COL20A1: variants seen among roughly 807,000 people sequenced by gnomAD.
COL20A1 encodes the protein collagen alpha-1(XX) chain.
COL20A1 carries 164 observed loss-of-function variants against 152.9 expected under a neutral mutation model. That is an observed-to-expected ratio of 1.07 (90% CI 0.94 to 1.22). COL20A1 has a LOEUF of 1.22. Among genes scored for constraint, COL20A1 ranks in the 50% most tolerant of loss-of-function variants. COL20A1 has a pLI of 0.00. For synonymous variants in COL20A1, 864 were observed against 756.0 expected, an observed-to-expected ratio of 1.14 and a Z score of -2.34; for missense variants, 1,873 against 1,744.8, an observed-to-expected ratio of 1.07 and a Z score of -1.31.
At chr20:63,295,278 C>T (rs1188224364) in intron 2 of COL20A1, 89 bp downstream of exon 2, 4 of 799,724 alleles carry the variant, frequency 5.0e-6, no homozygotes, top group Non-Finnish European at 8.2e-6. Context: ...CGCCCCTGAG[C>T]CCCGTCTTCC....
intron 25 of COL20A1, 140 bp downstream of exon 25, chr20:63,320,508 GC>G: frequency 1.2e-6 from 1 of 832,940 alleles, no homozygotes; most frequent in South Asian, 1.5e-5. Flanking sequence ...AGAGGAGGCA[GC>G]CTCAGGGCCA....
chr20:63,320,317 G>A lies in COL20A1; in HGVS notation c.3102G>A (p.Val1034=), dbSNP rs2068144821. ...TTCAGCTCCAGATGCTGCAGATCGTGTGCAGTGACACCTGGGCCGATGAGG... is the reference window on the plus strand; with the variant it reads ...TTCAGCTCCAGATGCTGCAGATCGTATGCAGTGACACCTGGGCCGATGAGG... ...AAFQLQMLQI[V]CSDTWADEDR... The change falls in exon 25 of 36, where the codon GTG becomes GTA. Residue 1034 remains valine, a synonymous_variant. Coordinates refer to ENST00000358894, the MANE Select transcript of COL20A1 (RefSeq NM_020882.4). 1 of 1,611,002 alleles carries A rather than the reference G, an allele frequency of 6.2e-7. No individual in the cohort carries two copies. Among genetic ancestry groups the A allele is most frequent in the Non-Finnish European group, 8.5e-7 (1 of 1,179,844 alleles).
chr20:63,297,465 G>A (rs938609753), intron 2 of COL20A1, among the ~76,000 whole-genome samples: 1 of 151,954 alleles, frequency 6.6e-6, no homozygotes, highest in Admixed American at 6.5e-5. Flanking sequence ...CAGCCCAGGG[G>A]CCCCAGCTCA....
rs1175525212 is a variant in COL20A1, at chr20:63,307,601, C to T, written c.608C>T (p.Ala203Val). Residue 203 changes from alanine to valine, a missense_variant, in exon 6 of 36, where the codon GCC (alanine) becomes GTC (valine). By Grantham distance (64) the Ala-to-Val change is moderately conservative. Transcript: ENST00000358894. ...SHFQQVKDFL[A>V]SVIAPFEIGP... Reference sequence around the variant, plus strand: ...TTCCAGCAGGTCAAGGACTTCCTGGCCAGTGTCATCGCACCCTTTGAAATC... The same window carrying T: ...TTCCAGCAGGTCAAGGACTTCCTGGTCAGTGTCATCGCACCCTTTGAAATC... 1 of 1,612,498 alleles carries T rather than the reference C, an allele frequency of 6.2e-7. No individual in the cohort carries two copies. Among genetic ancestry groups the T allele is most frequent in the Non-Finnish European group, 8.5e-7 (1 of 1,179,734 alleles).
At position 63,311,316 on chromosome 20, in the gene COL20A1, C is replaced by T; in HGVS notation, c.1394-78C>T. 7.0e-7 allele frequency: 1 copy of T among 1,426,000 alleles called. No individual in the cohort carries two copies. The highest frequency in any genetic ancestry group is 9.3e-7 in the Non-Finnish European group (1 of 1,072,460). The allele number at this position is 1,426,000 out of a possible 1,614,324, so 88.3% of individuals were successfully genotyped here. ...CAGGCGGTGGCCGTGCCCACCCACTCTGGTGTGAGGGTGCCCCGTGCGTGG... is the reference window on the plus strand; with the variant it reads ...CAGGCGGTGGCCGTGCCCACCCACTTTGGTGTGAGGGTGCCCCGTGCGTGG... On this transcript the variant is annotated intron_variant, in intron 11 of 35. Coordinates refer to ENST00000358894, the MANE Select transcript of COL20A1 (RefSeq NM_020882.4). This position sits in a 1 kb window ranked among gnomAD's most constrained non-coding sequence, Gnocchi z 4.4.
rs377731107 is a variant in COL20A1 at position 63,308,681 on chromosome 20, C to T, written c.915C>T (p.Asp305=). ...DVHTAARVLK[D]LGVNVFAVGV... is the part of the protein sequence containing the mutation. Reference sequence around the variant, plus strand: ...ACACTGCTGCCCGTGTCCTCAAGGACCTGGGCGTGAACGTCTTCGCTGTGG... The same window carrying T: ...ACACTGCTGCCCGTGTCCTCAAGGATCTGGGCGTGAACGTCTTCGCTGTGG... The change falls in exon 8 of 36, where the codon GAC becomes GAT. Residue 305 remains aspartate, a synonymous_variant. Coordinates refer to ENST00000358894, the MANE Select transcript of COL20A1 (RefSeq NM_020882.4). The T allele has an allele frequency of 2.7e-5, 43 of 1,606,182 alleles. No individual in the cohort carries two copies. The highest frequency in any genetic ancestry group is 3.5e-5 in the Non-Finnish European group (41 of 1,176,834).
intron 21 of COL20A1, among the ~76,000 whole-genome samples, chr20:63,317,811 G>A (rs894154811): frequency 2.0e-5 from 3 of 151,858 alleles, no homozygotes; most frequent in Admixed American, 6.6e-5. Context: ...CCTCCTCTCT[G>A]GGCAGCAGGC....
intron 10 of COL20A1, 124 bp from the exon 11 acceptor site, chr20:63,310,257 T>C: frequency 9.6e-7 from 1 of 1,042,180 alleles, no homozygotes; most frequent in Non-Finnish European, 1.4e-6. Flanking sequence ...AGCCCAGGCC[T>C]GTGGGAAGTG....
At position 63,311,301 on chromosome 20, in the gene COL20A1, C is replaced by A; in HGVS notation, c.1394-93C>A. On this transcript the variant is annotated intron_variant, in intron 11 of 35. Coordinates refer to ENST00000358894, the MANE Select transcript of COL20A1 (RefSeq NM_020882.4). The surrounding 1 kb of genome is among the most constrained non-coding windows in gnomAD (Gnocchi z 4.4). The stretch of plus-strand genomic sequence containing the variant: ...ATCCTGTGCACCTGCCAGGCGGTGG[C>A]CGTGCCCACCCACTCTGGTGTGAGG... The A allele has an allele frequency of 1.5e-6, 2 of 1,324,248 alleles. No homozygotes were observed. Among genetic ancestry groups the A allele is most frequent in the Non-Finnish European group, 2.0e-6 (2 of 988,956 alleles). The allele number at this position is 1,324,248 out of a possible 1,614,324, so 82.0% of individuals were successfully genotyped here.
intron 19 of COL20A1, 43 bp from the exon 20 acceptor site, chr20:63,315,361 C>T (rs766077300): frequency 2.6e-6 from 4 of 1,546,722 alleles, no homozygotes; most frequent in East Asian, 2.4e-5. Context: ...GCGTTGGAGG[C>T]TGGGCCGCTC....
At chr20:63,312,653 G>A (rs1034882771) in intron 15 of COL20A1, 104 bp downstream of exon 15, 4 of 1,478,734 alleles carry the variant, frequency 2.7e-6, no homozygotes, top group Non-Finnish European at 3.6e-6. Flanking sequence ...CCCTGGGTCA[G>A]TGCTGAGCCA....
intron 30 of COL20A1, among the ~76,000 whole-genome samples, chr20:63,326,527 C>T (rs1331818046): frequency 6.6e-6 from 1 of 152,110 alleles, no homozygotes; most frequent in East Asian, 1.9e-4. Context: ...TTTAGAGCAG[C>T]GTGCTGACAG....
At chr20:63,300,095 T>C (rs1373971054) in intron 3 of COL20A1, among the ~76,000 whole-genome samples, 2 of 152,148 alleles carry the variant, frequency 1.3e-5, no homozygotes, top group Non-Finnish European at 2.9e-5. Flanking sequence ...CCCTTTTATA[T>C]GTTATTAAAT....
intron 30 of COL20A1, 107 bp downstream of exon 30, chr20:63,326,256 G>A: frequency 1.1e-6 from 1 of 883,840 alleles, no homozygotes; most frequent in Non-Finnish European, 1.8e-6. Flanking sequence ...GGTTACCCCA[G>A]GAAGTGCCTG....
intron 26 of COL20A1, among the ~76,000 whole-genome samples, chr20:63,321,692 C>T (rs2068165186): frequency 6.6e-6 from 1 of 151,262 alleles, no homozygotes; most frequent in South Asian, 2.1e-4. Context: ...GGTCCTTGGA[C>T]CTGCCATGGC....
intron 34 of COL20A1, among the ~76,000 whole-genome samples, chr20:63,328,837 C>T (rs865837933): frequency 2.7e-4 from 40 of 149,336 alleles, no homozygotes; most frequent in Middle Eastern, 3.4e-3. Flanking sequence ...TCCTGTCCTC[C>T]TTGTCCTCCC....
Position 63,329,580 on chromosome 20 carries a change from C to T in COL20A1, c.3782-5C>T, listed in dbSNP as rs374847793. On this transcript the variant is annotated splice_polypyrimidine_tract_variant and splice_region_variant and intron_variant, in intron 34 of 35. Transcript: ENST00000358894. Reference sequence around the variant, plus strand: ...CGTCCTCACATGCCCTCCCTTTCCTCGCAGGGGAGCCTGGAGCTGTTGGTC... The same window carrying T: ...CGTCCTCACATGCCCTCCCTTTCCTTGCAGGGGAGCCTGGAGCTGTTGGTC... 47 of 1,608,512 alleles carry T rather than the reference C, an allele frequency of 2.9e-5. No individual in the cohort carries two copies. The South Asian group carries it at 3.7e-4, about 13-fold the overall frequency.
At position 63,311,727 on chromosome 20, in the gene COL20A1, CG is replaced by C; in HGVS notation, c.1646del (p.Gly549AlafsTer20). The C allele has an allele frequency of 6.3e-7, 1 of 1,596,314 alleles. No individual in the cohort carries two copies. On this transcript the variant is annotated frameshift_variant, in exon 13 of 36. Coordinates refer to ENST00000358894, the MANE Select transcript of COL20A1 (RefSeq NM_020882.4). LOFTEE classifies it high-confidence loss of function. The surrounding 1 kb of genome is among the most constrained non-coding windows in gnomAD (Gnocchi z 4.4). ...SLRGPEGSEA[R>X]GIRARTPTLA... ...GCGAGGCCCTGAGGGCAGCGAGGCC[CG>C]GGGCATCCGTGCCAGGACCCGTGAG... is the stretch of plus-strand genomic sequence containing the variant.
At chr20:63,309,989 G>A in intron 10 of COL20A1, 74 bp downstream of exon 10, 3 of 1,360,144 alleles carry the variant, frequency 2.2e-6, no homozygotes, top group East Asian at 2.4e-5. Context: ...CAAAGGGAGG[G>A]CAGGAATAAA....
Sources: gnomAD v4.1 joint callset for allele counts (sites outside exome capture counted in the v4.1 genomes callset) on GRCh38, gnomAD v4.1.1 for gene constraint, Gnocchi (gnomAD v3.1) non-coding constraint, MANE v1.5 for transcripts, NCBI Gene and HGNC (gene_info 2026-07-23, HGNC 2026-07-21) for gene names.